TBC1D4: variants seen among roughly 807,000 people sequenced by gnomAD.
TBC1D4 encodes TBC1 domain family member 4, also known as TBC (Tre-2, BUB2, CDC16) domain-containing protein.
A neutral mutation model predicts 142.5 loss-of-function variants in TBC1D4; 121 were observed. That is an observed-to-expected ratio of 0.85 (90% CI 0.73 to 0.99). The LOEUF (loss-of-function observed/expected upper bound fraction) is 0.99, where lower values mean the gene tolerates loss of function less well. Ranked by LOEUF, TBC1D4 falls within the 50% of genes least tolerant of loss-of-function variation. The pLI is 0.00. For missense variants in TBC1D4, 1,475 were observed against 1,606.6 expected, an observed-to-expected ratio of 0.92 and a Z score of 1.40; for synonymous variants, 630 against 628.2, an observed-to-expected ratio of 1.00 and a Z score of -0.04.
chr13:75,286,930 T>C lies in TBC1D4; in HGVS notation c.3759A>G (p.Gln1253=). The C allele has an allele frequency of 6.2e-7, 1 of 1,614,026 alleles. No individual in the cohort carries two copies. Among genetic ancestry groups the C allele is most frequent in the Non-Finnish European group, 8.5e-7 (1 of 1,179,966 alleles). Residue 1253 remains glutamine, a synonymous_variant, in exon 21 of 21, where the codon CAA becomes CAG. Coordinates refer to ENST00000377636, the MANE Select transcript of TBC1D4 (RefSeq NM_014832.5). The part of the protein sequence containing the change: ...KMKSLIRTLE[Q]EKMAYQKTVE... ...CTGTCTTTTGATAAGCCATTTTTTC[T>C]TGTTCCAGGGTCCGGATTAAAGACT...
intron 17 of TBC1D4, among the ~76,000 whole-genome samples, chr13:75,297,299 A>T (rs1876030768): frequency 6.6e-6 from 1 of 152,252 alleles, no homozygotes; most frequent in Non-Finnish European, 1.5e-5. Context: ...TTGTATTTTT[A>T]AACTGATAGC....
chr13:75,384,351 G>A (rs923102758), intron 1 of TBC1D4, among the ~76,000 whole-genome samples: 2 of 152,026 alleles, frequency 1.3e-5, no homozygotes, highest in African/African-American at 4.8e-5. Flanking sequence ...CAGGAGGATC[G>A]CTTGAACCCG....
chr13:75,403,439 T>C (rs183137519), intron 1 of TBC1D4, among the ~76,000 whole-genome samples: 470 of 152,344 alleles, frequency 3.1e-3, no homozygotes, highest in Non-Finnish European at 5.2e-3. Context: ...TATTCTTGTA[T>C]GTTAACAGGT....
chr13:75,317,229 T>C (rs540260162), intron 12 of TBC1D4, among the ~76,000 whole-genome samples: 1 of 152,172 alleles, frequency 6.6e-6, no homozygotes, highest in Non-Finnish European at 1.5e-5. Flanking sequence ...CAAAGCTCTA[T>C]AGGACCACAA....
intron 1 of TBC1D4, among the ~76,000 whole-genome samples, chr13:75,402,919 T>C (rs1206040984): frequency 6.6e-6 from 1 of 152,208 alleles, no homozygotes; most frequent in African/African-American, 2.4e-5. Context: ...TCTGAACATC[T>C]TCCATCCCCT....
chr13:75,297,739 A>G (rs1216146135), intron 17 of TBC1D4, among the ~76,000 whole-genome samples: 1 of 151,256 alleles, frequency 6.6e-6, no homozygotes, highest in Non-Finnish European at 1.5e-5. Context: ...CCTGGGTGAC[A>G]GAGCAAGACT....
rs759369418 is a variant in TBC1D4 at position 75,481,313 on chromosome 13, G to C, written c.455C>G (p.Ser152Trp). The C allele has an allele frequency of 1.9e-6, 3 of 1,613,814 alleles. No homozygotes were observed. Among genetic ancestry groups the C allele is most frequent in the East Asian group, 4.5e-5 (2 of 44,852 alleles). The change falls in exon 1 of 21, where the codon TCG becomes TGG. Residue 152 changes from serine to tryptophan, a missense_variant. Around this residue, in one of 2 missense-constraint regions of TBC1D4, gnomAD observed 1,227 missense variants for 1,267.7 expected, o/e 0.97. Coordinates refer to ENST00000377636, the MANE Select transcript of TBC1D4 (RefSeq NM_014832.5). ...LIKAQPDDPESQMACHVFRAT... is the reference protein window; with the variant it reads ...LIKAQPDDPEWQMACHVFRAT... ...GCGGAAAACGTGGCAGGCCATCTGC[G>C]ACTCGGGGTCGTCGGGCTGCGCCTT... is the stretch of plus-strand genomic sequence containing the variant.
intron 1 of TBC1D4, among the ~76,000 whole-genome samples, chr13:75,452,807 T>A (rs1415937736): frequency 2.6e-5 from 4 of 152,158 alleles, no homozygotes; most frequent in Non-Finnish European, 5.9e-5. Flanking sequence ...ATTTTAGGTG[T>A]GGTGACATAG....
Position 75,286,576 on chromosome 13 carries a change from TACA to T in TBC1D4, c.*213_*215del, listed in dbSNP as rs1207487188. 23 of 557,134 alleles carry T rather than the reference TACA, an allele frequency of 4.1e-5. No homozygotes were observed. Among genetic ancestry groups the T allele is most frequent in the Non-Finnish European group, 6.7e-5 (21 of 312,968 alleles). 34.5% of individuals were successfully genotyped at this position (557,134 alleles called of 1,614,324 possible). The stretch of plus-strand genomic sequence containing the variant: ...TTCATTTTATATATATATTTATATG[TACA>T]TAGCAACAACAAAAACCAGTCTACA... On this transcript the variant is annotated 3_prime_UTR_variant, in exon 21 of 21. Transcript: ENST00000377636.
At chr13:75,306,536 A>T in intron 14 of TBC1D4, 65 bp from the exon 15 acceptor site, 2 of 1,582,164 alleles carry the variant, frequency 1.3e-6, no homozygotes, top group Non-Finnish European at 8.6e-7. Context: ...TAGACGTTTG[A>T]TTGTATTTGT....
chr13:75,446,508 A>G (rs1887291305), intron 1 of TBC1D4, among the ~76,000 whole-genome samples: 1 of 152,260 alleles, frequency 6.6e-6, no homozygotes, highest in African/African-American at 2.4e-5. Flanking sequence ...CATGAAATCA[A>G]CATGTGTTAA....
At chr13:75,461,883 T>C (rs1887984962) in intron 1 of TBC1D4, among the ~76,000 whole-genome samples, 2 of 152,224 alleles carry the variant, frequency 1.3e-5, no homozygotes, top group African/African-American at 4.8e-5. Context: ...CAACAATGTG[T>C]ACTATCTCTA....
At position 75,379,862 on chromosome 13, in the gene TBC1D4, G is replaced by A. The variant is rs143060996; in HGVS notation, c.499-17255C>T. Among the ~76,000 whole-genome samples, 74 of 138,634 alleles carry A rather than the reference G, an allele frequency of 5.3e-4. No homozygotes were observed. The East Asian group carries it at 0.016, about 29-fold the overall frequency. 90.9% of individuals were successfully genotyped at this position (138,634 alleles called of 152,430 possible). A position where few individuals can be genotyped will look rare whatever the true frequency, so the allele number is the denominator to read the frequency against. On this transcript the variant is annotated intron_variant, in intron 1 of 20. Coordinates refer to ENST00000377636, the MANE Select transcript of TBC1D4 (RefSeq NM_014832.5). ...TAGCTAAAAGAAAGCTAGTGTTGAA[G>A]TATATCAGTTTTGTTCATCTGACTC...
intron 7 of TBC1D4, among the ~76,000 whole-genome samples, chr13:75,340,658 A>G (rs1880607403): frequency 6.6e-6 from 1 of 152,046 alleles, no homozygotes; most frequent in Admixed American, 6.6e-5. Context: ...CAAATTCCCT[A>G]TAAAATGGCC....
chr13:75,389,537 A>T (rs555632320), intron 1 of TBC1D4, among the ~76,000 whole-genome samples: 2 of 152,196 alleles, frequency 1.3e-5, no homozygotes, highest in African/African-American at 2.4e-5. Flanking sequence ...TAACTATTGT[A>T]TCTCCAGAAT....
intron 10 of TBC1D4, among the ~76,000 whole-genome samples, chr13:75,325,994 C>T (rs1390253451): frequency 2.6e-5 from 4 of 152,164 alleles, no homozygotes; most frequent in Non-Finnish European, 5.9e-5. Context: ...AGTTTCCACC[C>T]AAACGAATTA....
At chr13:75,326,103 T>C in intron 10 of TBC1D4, 94 bp downstream of exon 10, 1 of 1,411,054 alleles carries the variant, frequency 7.1e-7, no homozygotes, top group Middle Eastern at 1.8e-4. Context: ...AAAAGTTGGC[T>C]ACAGCATAAA....
intron 13 of TBC1D4, among the ~76,000 whole-genome samples, chr13:75,311,965 A>T (rs1877800376): frequency 6.6e-6 from 1 of 152,158 alleles, no homozygotes; most frequent in Non-Finnish European, 1.5e-5. Context: ...ATTTCTAAAG[A>T]TGAGTATGTT....
rs7329179 is a variant in TBC1D4, at chr13:75,482,029, T to C, written c.-262A>G. The C allele has an allele frequency of 0.97, 374,889 of 386,216 alleles. 182,731 individuals carry two copies. Among genetic ancestry groups the C allele is most frequent in the Non-Finnish European group, 1 (222,799 of 223,008 alleles). 23.9% of individuals were successfully genotyped at this position (386,216 alleles called of 1,614,324 possible). A position where few individuals can be genotyped will look rare whatever the true frequency, so the allele number is the denominator to read the frequency against. ...CGGGTTAAATGGGCATCCTCCTCCT[T>C]GGGCTGGCGCCTCGGGCAGGACCTC... On this transcript the variant is annotated 5_prime_UTR_variant, in exon 1 of 21. Coordinates refer to ENST00000377636, the MANE Select transcript of TBC1D4 (RefSeq NM_014832.5).
Sources: gnomAD v4.1 joint callset for allele counts (sites outside exome capture counted in the v4.1 genomes callset) on GRCh38, gnomAD v4.1.1 for gene constraint, gnomAD v4.1.1 regional missense constraint, MANE v1.5 for transcripts, NCBI Gene and HGNC (gene_info 2026-07-23, HGNC 2026-07-21) for gene names.